ZNF226: variants seen among roughly 807,000 people sequenced by gnomAD.
ZNF226 encodes the protein Kruppel-associated box protein.
In ZNF226, 6 loss-of-function variants were observed where a neutral mutation model predicts 11.4. The observed-to-expected ratio is 0.53, with a 90% confidence interval of 0.29 to 1.04. ZNF226 has a LOEUF of 1.04. Among genes scored for constraint, ZNF226 ranks in the 50% least tolerant of loss-of-function variants. The probability of loss-of-function intolerance (pLI) is 0.08; values close to 1 mark genes in which losing one functional copy is unlikely to be tolerated. For synonymous variants in ZNF226, 350 were observed against 322.8 expected (o/e 1.08, Z -0.90); for missense variants, 1,058 against 956.5 (o/e 1.11, Z -1.40).
In ZNF226 at chr19:44,175,740, G is replaced by A; in HGVS notation, c.478G>A (p.Gly160Arg). 3.1e-6 allele frequency: 5 copies of A among 1,612,788 alleles called. No individual in the cohort carries two copies. Among genetic ancestry groups the A allele is most frequent in the Middle Eastern group, 1.7e-4 (1 of 6,060 alleles). ...VNKADGPNNTGNPEFPILRTQ... is the reference protein window; with the variant it reads ...VNKADGPNNTRNPEFPILRTQ... ...TAAAGCAGATGGTCCCAATAATACT[G>A]GGAATCCAGAGTTTCCTATCTTGAG... Residue 160 changes from glycine to arginine, a missense_variant, in exon 6 of 6, where the codon GGG becomes AGG. By Grantham distance (125) the Gly-to-Arg change is moderately radical. Coordinates refer to ENST00000337433, the MANE Select transcript of ZNF226 (RefSeq NM_001032373.2).
chr19:44,175,805 A>G lies in ZNF226; in HGVS notation c.543A>G (p.Ser181=). 1.2e-6 allele frequency: 2 copies of G among 1,613,862 alleles called. No homozygotes were observed. The highest frequency in any genetic ancestry group is 8.5e-7 in the Non-Finnish European group (1 of 1,179,834). ...DSWRKTFLTE[S]QRLNRDQQIS... is the part of the protein sequence containing the mutation. ...GGAGGAAAACATTCCTGACTGAGTC[A>G]CAGAGATTGAACAGAGATCAGCAAA... The change falls in exon 6 of 6, where the codon TCA becomes TCG. Residue 181 remains serine (S), a synonymous_variant. Coordinates refer to ENST00000337433, the MANE Select transcript of ZNF226 (RefSeq NM_001032373.2).
rs764427147 is a variant in ZNF226 at position 44,177,577 on chromosome 19, TTCA to T, written c.2319_2321del (p.His774del). The T allele has an allele frequency of 5.0e-6, 8 of 1,613,864 alleles. No individual in the cohort carries two copies. Among genetic ancestry groups the T allele is most frequent in the African/African-American group, 4.0e-5 (3 of 74,914 alleles). On this transcript the variant is annotated inframe_deletion, in exon 6 of 6. Transcript: ENST00000337433. ...TTCAGTTGGCGATCAAATCTTACAG[TTCA>T]TCACAGAATCCATGTTGGTGATAAA...
Position 44,176,098 on chromosome 19 carries a change from C to G in ZNF226, c.836C>G (p.Ser279Cys). 6.2e-7 allele frequency: 1 copy of G among 1,614,174 alleles called. No homozygotes were observed. Among genetic ancestry groups the G allele is most frequent in the Non-Finnish European group, 8.5e-7 (1 of 1,180,028 alleles). Residue 279 changes from serine to cysteine, a missense_variant, in exon 6 of 6, where the codon TCT becomes TGT. By Grantham distance (112) the Ser-to-Cys change is moderately radical (BLOSUM62 -1). Transcript: ENST00000337433. ...CAGCAGTTACAATCAGGAGAGAAGT[C>G]TCTTACATGTGTTGAGCGTGGAAAA... ...LHQQLQSGEKSLTCVERGKGF... is the reference protein window; with the variant it reads ...LHQQLQSGEKCLTCVERGKGF...
the ZNF226 span, among the ~76,000 whole-genome samples, chr19:44,196,033 C>T: frequency 1.4e-5 from 2 of 145,364 alleles, no homozygotes; most frequent in Non-Finnish European, 2.9e-5. Flanking sequence ...TAGTGTACTT[C>T]ATAGTTTTTT....
chr19:44,170,626 C>T (rs937136476), intron 3 of ZNF226, among the ~76,000 whole-genome samples: 6 of 152,136 alleles, frequency 3.9e-5, no homozygotes, highest in East Asian at 3.9e-4. Flanking sequence ...CCCAGCTATT[C>T]GGGAGGCTGA....
At chr19:44,173,330 C>G in intron 5 of ZNF226, 1 of 312,786 alleles carries the variant, frequency 3.2e-6, no homozygotes, top group Non-Finnish European at 5.8e-6. Flanking sequence ...TGTCCTCCCT[C>G]TTGCTTTTCA....
chr19:44,199,457 A>G, the ZNF226 span, among the ~76,000 whole-genome samples: 2 of 152,032 alleles, frequency 1.3e-5, no homozygotes, highest in African/African-American at 4.8e-5. Context: ...TTCTCTCACA[A>G]TCATTTCCCC....
Position 44,177,354 on chromosome 19 carries a change from C to A in ZNF226, c.2092C>A (p.Pro698Thr). Residue 698 changes from proline to threonine, a missense_variant, in exon 6 of 6, where the codon CCA (proline) becomes ACA (threonine). Pro to Thr is a conservative substitution (Grantham distance 38). Coordinates refer to ENST00000337433, the MANE Select transcript of ZNF226 (RefSeq NM_001032373.2). The stretch of plus-strand genomic sequence containing the variant: ...TCAGAGGGTGCACACAGGAGAAAAA[C>A]CATATAAATGTGGGGAGTGTGGTAA... ...MHQRVHTGEK[P>T]YKCGECGKYF... is the part of the protein sequence containing the mutation. 1 of 1,613,980 alleles carries A rather than the reference C, an allele frequency of 6.2e-7. No homozygotes were observed. Among genetic ancestry groups the A allele is most frequent in the South Asian group, 1.1e-5 (1 of 91,082 alleles).
At chr19:44,193,105 C>G in the ZNF226 span, among the ~76,000 whole-genome samples, 11 of 151,986 alleles carry the variant, frequency 7.2e-5, no homozygotes, top group African/African-American at 2.7e-4. Flanking sequence ...CAAAGATTTA[C>G]CTAAGTCACA....
At chr19:44,180,520 T>C (rs1190739223), downstream of ZNF226, among the ~76,000 whole-genome samples, 1 of 152,122 alleles carries the variant, frequency 6.6e-6, no homozygotes, top group African/African-American at 2.4e-5. Flanking sequence ...GCCCACCAAC[T>C]CTCAGTAGCT....
chr19:44,175,215 G>T, intron 5 of ZNF226: 8 of 1,406,906 alleles, frequency 5.7e-6, no homozygotes, highest in Non-Finnish European at 7.3e-6. Context: ...CCATATTATG[G>T]TAGGAAAGAC....
At chr19:44,182,661 T>C (rs1189202053), downstream of ZNF226, among the ~76,000 whole-genome samples, 2 of 151,962 alleles carry the variant, frequency 1.3e-5, no homozygotes, top group Non-Finnish European at 2.9e-5. Context: ...AGACCAGGAA[T>C]GGGAGAGGAA....
At chr19:44,185,750 T>G in the ZNF226 span, among the ~76,000 whole-genome samples, 5 of 152,226 alleles carry the variant, frequency 3.3e-5, no homozygotes, top group East Asian at 5.8e-4. Context: ...TGCACAGAAG[T>G]TTTTGAGTTT....
rs374194350 is a variant in ZNF226, at chr19:44,177,455, G to A, written c.2193G>A (p.Val731=). The change falls in exon 6 of 6, where the codon GTG becomes GTA. Residue 731 remains valine (V), a synonymous_variant. Transcript: ENST00000337433. ...GAGAGAAACCATACAAATGTGATGT[G>A]TGTGGTAAAGTCTTCAGTCGGTCTT... ...HTGEKPYKCD[V]CGKVFSRSSQ... The A allele has an allele frequency of 1.2e-4, 186 of 1,614,194 alleles. 1 individual carries two copies. The highest frequency in any genetic ancestry group is 1.4e-4 in the Non-Finnish European group (164 of 1,180,036).
At chr19:44,171,712 C>T (rs1338267155) in intron 3 of ZNF226, among the ~76,000 whole-genome samples, 1 of 152,146 alleles carries the variant, frequency 6.6e-6, no homozygotes, top group Non-Finnish European at 1.5e-5. Context: ...CTGACATGCC[C>T]TTTAGGTTTG....
chr19:44,172,957 A>C lies in ZNF226; in HGVS notation c.235+5A>C, dbSNP rs1970277293. 1.3e-6 allele frequency: 2 copies of C among 1,587,772 alleles called. No homozygotes were observed. The highest frequency in any genetic ancestry group is 1.7e-6 in the Non-Finnish European group (2 of 1,166,406). The stretch of plus-strand genomic sequence containing the variant: ...CCCGAAGACAGGGAAATTTAGGTAA[A>C]AACCAAACAGTTATGAGTTCTTATA... On this transcript the variant is annotated splice_donor_5th_base_variant and intron_variant, in intron 5 of 5. Transcript: ENST00000337433.
rs117098284 is a variant in ZNF226 at position 44,170,231 on chromosome 19, G to A, written c.15+136G>A. 3,295 of 748,876 alleles carry A rather than the reference G, an allele frequency of 4.4e-3. 17 individuals carry two copies. The highest frequency in any genetic ancestry group is 0.011 in the Middle Eastern group (42 of 3,950). 46.4% of individuals were successfully genotyped at this position (748,876 alleles called of 1,614,324 possible). A position where few individuals can be genotyped will look rare whatever the true frequency, so the allele number is the denominator to read the frequency against. On this transcript the variant is annotated intron_variant, in intron 3 of 5. Coordinates refer to ENST00000337433, the MANE Select transcript of ZNF226 (RefSeq NM_001032373.2). ...GTGTGCTAGGTGCTTATTTTGTTCC[G>A]TTTGAGTTTAGCTGGTTTTGGTTTT...
the ZNF226 span, among the ~76,000 whole-genome samples, chr19:44,187,541 T>C: frequency 1.3e-5 from 2 of 151,904 alleles, no homozygotes; most frequent in Non-Finnish European, 2.9e-5. This position sits in a 1 kb window ranked among gnomAD's most constrained non-coding sequence, Gnocchi z 4.0. Flanking sequence ...ATTTTAATTA[T>C]TTTTACTAAT....
chr19:44,172,810 T>C, intron 4 of ZNF226, 50 bp from the exon 5 acceptor site: 2 of 1,481,018 alleles, frequency 1.4e-6, no homozygotes, highest in African/African-American at 1.4e-5. Context: ...TTCCAGTGTA[T>C]TTTAACTCTA....
Sources: allele counts gnomAD v4.1 joint callset (sites outside exome capture counted in the v4.1 genomes callset), GRCh38; gene constraint gnomAD v4.1.1; non-coding constraint Gnocchi (gnomAD v3.1); transcripts MANE v1.5; gene names NCBI Gene and HGNC (gene_info 2026-07-23, HGNC 2026-07-21).